The following TRPM7 variants were observed in gnomAD, a reference collection of about 807,000 sequenced individuals.
The protein encoded by TRPM7 is transient receptor potential cation channel subfamily M member 7, also known as LTRPC ion channel family member 7.
In TRPM7, 134 loss-of-function variants were observed where a neutral mutation model predicts 229.7. The ratio of observed to expected loss-of-function variants is 0.58; its 90% CI spans 0.51 to 0.67. The LOEUF is 0.67. Ranked by LOEUF, TRPM7 falls within the 30% of genes least tolerant of loss-of-function variation. The pLI is 0.00. For synonymous variants in TRPM7, 699 were observed against 715.2 expected (o/e 0.98, Z 0.36); for missense variants, 1,901 against 2,210.0 (o/e 0.86, Z 2.80).
intron 1 of TRPM7, among the ~76,000 whole-genome samples, chr15:50,668,203 A>G (rs1462195561): frequency 6.6e-6 from 1 of 152,214 alleles, no homozygotes; most frequent in Non-Finnish European, 1.5e-5. Flanking sequence ...AGACTCTAAC[A>G]TTAGAATAAA....
intron 31 of TRPM7, among the ~76,000 whole-genome samples, chr15:50,577,924 A>G (rs749737574): frequency 1.3e-5 from 2 of 152,192 alleles, no homozygotes; most frequent in African/African-American, 2.4e-5. Flanking sequence ...GATGAATTTT[A>G]TAACAATATG....
At chr15:50,577,378 T>C (rs978271676) in intron 31 of TRPM7, among the ~76,000 whole-genome samples, 1 of 151,976 alleles carries the variant, frequency 6.6e-6, no homozygotes, top group Non-Finnish European at 1.5e-5. Flanking sequence ...TGAAATCTCG[T>C]CTCTACAGAA....
chr15:50,568,888 T>C (rs1050876117), intron 38 of TRPM7, among the ~76,000 whole-genome samples: 2 of 151,178 alleles, frequency 1.3e-5, no homozygotes, highest in African/African-American at 4.9e-5. Context: ...GAGGCTGAGG[T>C]GGGAGGATCA....
chr15:50,640,443 A>AT (rs1159857238), intron 5 of TRPM7, among the ~76,000 whole-genome samples: 7 of 139,536 alleles, frequency 5.0e-5, no homozygotes, highest in East Asian at 2.1e-4. Flanking sequence ...TGCCGGGGTA[A>AT]TTTTTTTTTC....
chr15:50,561,921 T>C lies in TRPM7; in HGVS notation c.5468-113A>G, dbSNP rs761194786. The C allele has an allele frequency of 7.0e-5, 80 of 1,136,922 alleles. 1 individual carries two copies. The highest frequency in any genetic ancestry group is 9.1e-5 in the Non-Finnish European group (77 of 848,370). 70.4% of individuals were successfully genotyped at this position (1,136,922 alleles called of 1,614,324 possible). On this transcript the variant is annotated intron_variant, in intron 38 of 38. Coordinates refer to ENST00000646667, the MANE Select transcript of TRPM7 (RefSeq NM_017672.6). ...CTTTTATTTTCTTTTCAAGACGGAG[T>C]TTCGCTCTTGTTGCCCAAGCTGGAG... is the stretch of plus-strand genomic sequence containing the variant.
In TRPM7 at chr15:50,571,926, C is replaced by T. The variant is rs149531956; in HGVS notation, c.5309-1771G>A. Among the ~76,000 whole-genome samples, 13 of 152,256 alleles carry T rather than the reference C, an allele frequency of 8.5e-5. 1 individual carries two copies. In the East Asian group the frequency reaches 2.5e-3, roughly 29 times the overall value. On this transcript the variant is annotated intron_variant, in intron 36 of 38. Coordinates refer to ENST00000646667, the MANE Select transcript of TRPM7 (RefSeq NM_017672.6). ...TTCACTCCAATTTTGAAAGAAGTTC[C>T]ACTGTGGGTAAAATGTTATCAAATG...
chr15:50,578,131 T>C (rs982737139), intron 31 of TRPM7, among the ~76,000 whole-genome samples: 5 of 152,220 alleles, frequency 3.3e-5, no homozygotes, highest in African/African-American at 1.2e-4. Context: ...AGGTGCTGAT[T>C]ACATGGCTAT....
In TRPM7 at chr15:50,599,108, TATACAA is replaced by T; in HGVS notation, c.3163+8_3163+13del. The T allele has an allele frequency of 6.4e-7, 1 of 1,556,196 alleles. No individual in the cohort carries two copies. ...AATAACCAAAAGATAAATCTGTAAATATACAATTCTTACCATCAATTTCGTATGCAT... is the reference window on the plus strand; with the variant it reads ...AATAACCAAAAGATAAATCTGTAAATTTCTTACCATCAATTTCGTATGCAT... On this transcript the variant is annotated splice_region_variant and intron_variant, in intron 22 of 38. Coordinates refer to ENST00000646667, the MANE Select transcript of TRPM7 (RefSeq NM_017672.6).
intron 25 of TRPM7, 150 bp from the exon 26 acceptor site, chr15:50,592,776 G>T: frequency 3.3e-6 from 2 of 597,132 alleles, no homozygotes; most frequent in South Asian, 2.4e-5. Context: ...AATTATACAA[G>T]GCCTACCTTA....
chr15:50,679,513 T>A (rs796696299), intron 1 of TRPM7, among the ~76,000 whole-genome samples: 1 of 61,878 alleles, frequency 1.6e-5, no homozygotes, highest in Admixed American at 2.2e-4. Context: ...ATATATATAA[T>A]ATATATATAT....
At chr15:50,575,187 G>C in intron 33 of TRPM7, 52 bp from the exon 34 acceptor site, 2 of 1,469,546 alleles carry the variant, frequency 1.4e-6, no homozygotes, top group Non-Finnish European at 1.8e-6. Flanking sequence ...TTTTAAAAAC[G>C]ACAAAGTAAA....
In TRPM7 at chr15:50,611,283, G is replaced by C; in HGVS notation, c.2090C>G (p.Ser697Cys). 6.2e-7 allele frequency: 1 copy of C among 1,613,828 alleles called. No homozygotes were observed. The highest frequency in any genetic ancestry group is 8.5e-7 in the Non-Finnish European group (1 of 1,179,876). ...GQLAVELLEQ[S>C]FRQDETMAMK... ...AGCCATGGTTTCATCTTGTCTGAAG[G>C]ACTGTTCTAATAATTCAACGGCCAA... Residue 697 changes from serine to cysteine, a missense_variant, in exon 17 of 39, where the codon TCC becomes TGC. Ser to Cys is a moderately radical substitution (Grantham distance 112). Around this residue, in one of 8 missense-constraint regions of TRPM7, gnomAD observed 794 missense variants for 881.9 expected, o/e 0.90. Coordinates refer to ENST00000646667, the MANE Select transcript of TRPM7 (RefSeq NM_017672.6).
chr15:50,672,614 A>C (rs2062012981), intron 1 of TRPM7, among the ~76,000 whole-genome samples: 1 of 151,994 alleles, frequency 6.6e-6, no homozygotes, highest in African/African-American at 2.4e-5. Context: ...TAAAATGTTG[A>C]AATAGAAAAA....
At position 50,591,902 on chromosome 15, in the gene TRPM7, C is replaced by T. The variant is rs988237659; in HGVS notation, c.4324+9G>A. 10 of 1,528,730 alleles carry T rather than the reference C, an allele frequency of 6.5e-6. No homozygotes were observed. The African/African-American group carries it at 1.4e-4, about 21-fold the overall frequency. 94.7% of individuals were successfully genotyped at this position (1,528,730 alleles called of 1,614,324 possible). On this transcript the variant is annotated intron_variant, in intron 26 of 38. Transcript: ENST00000646667. Reference sequence around the variant, plus strand: ...TATTGATATACAAATACGAATTTGCCAAACTTACCTACAAATGCTCCAAAT... The same window carrying T: ...TATTGATATACAAATACGAATTTGCTAAACTTACCTACAAATGCTCCAAAT...
intron 1 of TRPM7, among the ~76,000 whole-genome samples, chr15:50,680,823 T>C (rs1022248615): frequency 1.3e-5 from 2 of 152,198 alleles, no homozygotes; most frequent in South Asian, 2.1e-4. Flanking sequence ...CAAGTTTCTG[T>C]AGTTTGGCAG....
intron 28 of TRPM7, among the ~76,000 whole-genome samples, chr15:50,585,265 G>C (rs1256277962): frequency 6.6e-6 from 1 of 152,102 alleles, no homozygotes; most frequent in Non-Finnish European, 1.5e-5. Context: ...GTTTCACCTT[G>C]TTAACCAGGA....
chr15:50,584,691 T>C (rs1406943258), intron 28 of TRPM7, among the ~76,000 whole-genome samples: 1 of 151,918 alleles, frequency 6.6e-6, no homozygotes, highest in African/African-American at 2.4e-5. Context: ...ATCTGAAATC[T>C]GAAACGCTCC....
intron 5 of TRPM7, among the ~76,000 whole-genome samples, chr15:50,640,331 G>A (rs73397406): frequency 0.02 from 3,080 of 152,130 alleles, 120 homozygotes; most frequent in African/African-American, 0.071. Context: ...GAGTGCAGTG[G>A]TGTGATCATG....
At chr15:50,637,055 G>A (rs1052604904) in intron 7 of TRPM7, among the ~76,000 whole-genome samples, 1 of 151,950 alleles carries the variant, frequency 6.6e-6, no homozygotes, top group Non-Finnish European at 1.5e-5. Context: ...GAACCCAGGA[G>A]GCAGGGCTTG....
Sources: gnomAD v4.1 joint callset for allele counts (sites outside exome capture counted in the v4.1 genomes callset) on GRCh38, gnomAD v4.1.1 for gene constraint, gnomAD v4.1.1 regional missense constraint, MANE v1.5 for transcripts, NCBI Gene and HGNC (gene_info 2026-07-23, HGNC 2026-07-21) for gene names.